The following GMDS variants were observed in gnomAD, a reference collection of about 807,000 sequenced individuals.
The protein encoded by GMDS is GDP-mannose 4,6 dehydratase.
GMDS carries 20 observed loss-of-function variants against 49.9 expected under a neutral mutation model. The ratio of observed to expected loss-of-function variants is 0.40; its 90% CI spans 0.28 to 0.58. GMDS has a LOEUF of 0.58. Ranked by LOEUF, GMDS falls within the 20% of genes least tolerant of loss-of-function variation. GMDS has a pLI of 0.42. For synonymous variants in GMDS, 177 were observed against 178.6 expected (o/e 0.99, Z 0.07); for missense variants, 362 against 481.4 (o/e 0.75, Z 2.32).
intron 4 of GMDS, among the ~76,000 whole-genome samples, chr6:2,083,181 T>C (rs1205847458): frequency 6.6e-6 from 1 of 152,202 alleles, no homozygotes; most frequent in Non-Finnish European, 1.5e-5. Context: ...TTTTAATCAA[T>C]ACAAGATTAG....
chr6:1,791,586 G>A (rs1361399430), intron 7 of GMDS, among the ~76,000 whole-genome samples: 1 of 152,090 alleles, frequency 6.6e-6, no homozygotes, highest in Non-Finnish European at 1.5e-5. Flanking sequence ...TGAATTTTGG[G>A]GAGACACAAT....
At chr6:1,624,379 C>T (rs1762779545) in intron 10 of GMDS, 93 bp downstream of exon 10, 2 of 1,333,416 alleles carry the variant, frequency 1.5e-6, no homozygotes, top group South Asian at 2.5e-5. Context: ...GGGCTTTGGG[C>T]ATCGCAGGCG....
At chr6:2,183,989 A>ATATATGCATAAGTTATATATAACTTG (rs1192574377) in intron 1 of GMDS, among the ~76,000 whole-genome samples, 2 of 152,216 alleles carry the variant, frequency 1.3e-5, no homozygotes, top group African/African-American at 2.4e-5. Context: ...AACATAACTT[A>ATATATGCATAAGTTATATATAACTTG]TATATGCATA....
chr6:2,005,616 C>T (rs1414686728), intron 4 of GMDS, among the ~76,000 whole-genome samples: 7 of 152,182 alleles, frequency 4.6e-5, no homozygotes, highest in Non-Finnish European at 8.8e-5. Flanking sequence ...ATCTTACCTT[C>T]TTGATCTTCC....
intron 7 of GMDS, among the ~76,000 whole-genome samples, chr6:1,862,070 C>T (rs113437205): frequency 1.2e-3 from 176 of 152,300 alleles, no homozygotes; most frequent in Admixed American, 5.8e-3. Flanking sequence ...TTTCATTACA[C>T]TTTAAATCTT....
intron 7 of GMDS, among the ~76,000 whole-genome samples, chr6:1,835,140 C>T (rs562626208): frequency 4.6e-5 from 7 of 152,126 alleles, no homozygotes; most frequent in African/African-American, 1.2e-4. Flanking sequence ...ACGGGAGGGG[C>T]ACAGAGTCTG....
chr6:2,134,856 TTTA>T (rs1775915850), intron 1 of GMDS, among the ~76,000 whole-genome samples: 1 of 152,216 alleles, frequency 6.6e-6, no homozygotes, highest in Non-Finnish European at 1.5e-5. Flanking sequence ...CAGCAAAGTA[TTTA>T]TTATTGTTTC....
intron 4 of GMDS, among the ~76,000 whole-genome samples, chr6:2,063,165 T>C (rs553946008): frequency 2.0e-5 from 3 of 152,344 alleles, no homozygotes; most frequent in Admixed American, 2.0e-4. Flanking sequence ...CAAATAAAGA[T>C]ATTTTTATTG....
chr6:1,635,701 G>A lies in GMDS; in HGVS notation c.988-11161C>T, dbSNP rs1252143027. On this transcript the variant is annotated intron_variant, in intron 9 of 10. Transcript: ENST00000380815. This position sits in a 1 kb window ranked among gnomAD's most constrained non-coding sequence, Gnocchi z 4.7. ...GGCCCTCAAGTCTGCAGATGCAAAC[G>A]AGAGCCTGGTTCATACTCTGCCAAC... Among the ~76,000 whole-genome samples the A allele has an allele frequency of 3.3e-5, 5 of 152,166 alleles. No individual in the cohort carries two copies. In the East Asian group the frequency reaches 9.6e-4, roughly 29 times the overall value.
chr6:1,796,763 C>T lies in GMDS; in HGVS notation c.772-54177G>A, dbSNP rs566334722. The stretch of plus-strand genomic sequence containing the variant: ...CTCACTTTGTTTTAGTAGCGAAAAA[C>T]TTGAGGAAGCAGAGAACAAGCTTCT... On this transcript the variant is annotated intron_variant, in intron 7 of 10. Coordinates refer to ENST00000380815, the MANE Select transcript of GMDS (RefSeq NM_001500.4). Among the ~76,000 whole-genome samples the T allele has an allele frequency of 4.5e-4, 69 of 152,294 alleles. 1 individual carries two copies. In the South Asian group the frequency reaches 7.5e-3, roughly 16 times the overall value.
chr6:1,709,271 T>TA (rs1405049024), intron 9 of GMDS, among the ~76,000 whole-genome samples: 1 of 152,158 alleles, frequency 6.6e-6, no homozygotes, highest in Non-Finnish European at 1.5e-5. Flanking sequence ...CAGCTGTCCT[T>TA]AGAGGCTAAT....
At chr6:1,707,997 CAT>C (rs1765799223) in intron 9 of GMDS, among the ~76,000 whole-genome samples, 1 of 152,188 alleles carries the variant, frequency 6.6e-6, no homozygotes, top group Non-Finnish European at 1.5e-5. Context: ...TTACTATTCA[CAT>C]GCGTTATTAA....
chr6:1,676,776 T>G (rs1441276361), intron 9 of GMDS, among the ~76,000 whole-genome samples: 1 of 152,112 alleles, frequency 6.6e-6, no homozygotes, highest in Non-Finnish European at 1.5e-5. Context: ...TATAGAAAAA[T>G]TAATTCAAGA....
At chr6:1,814,345 G>C (rs534974040) in intron 7 of GMDS, among the ~76,000 whole-genome samples, 7 of 152,034 alleles carry the variant, frequency 4.6e-5, no homozygotes, top group Non-Finnish European at 8.8e-5. Context: ...TCTAAAAGAG[G>C]TGTGCATTTT....
chr6:2,071,660 A>G (rs545919049), intron 4 of GMDS, among the ~76,000 whole-genome samples: 4 of 151,944 alleles, frequency 2.6e-5, no homozygotes, highest in Non-Finnish European at 5.9e-5. Context: ...ATGAAAAACA[A>G]TGACATACGG....
intron 1 of GMDS, among the ~76,000 whole-genome samples, chr6:2,200,611 C>A (rs539031163): frequency 6.8e-6 from 1 of 146,834 alleles, no homozygotes; most frequent in African/African-American, 2.5e-5. Context: ...GTGAGGGCAG[C>A]ATGTTAGCAG....
chr6:2,200,352 A>C (rs544431049), intron 1 of GMDS, among the ~76,000 whole-genome samples: 2 of 152,036 alleles, frequency 1.3e-5, no homozygotes, highest in South Asian at 2.1e-4. Context: ...AGATGAAACA[A>C]TCTAGGCAGT....
intron 7 of GMDS, among the ~76,000 whole-genome samples, chr6:1,893,254 C>A (rs1348589891): frequency 7.1e-6 from 1 of 141,768 alleles, no homozygotes; most frequent in African/African-American, 2.7e-5. Context: ...AGTGCAGTGG[C>A]GCGATGTCAG....
At chr6:2,197,326 C>A (rs1779315985) in intron 1 of GMDS, among the ~76,000 whole-genome samples, 1 of 152,100 alleles carries the variant, frequency 6.6e-6, no homozygotes. Flanking sequence ...TGCCTCTATT[C>A]CTCCTCCCGC....
Sources: allele counts gnomAD v4.1 joint callset (sites outside exome capture counted in the v4.1 genomes callset), GRCh38; gene constraint gnomAD v4.1.1; non-coding constraint Gnocchi (gnomAD v3.1); transcripts MANE v1.5; gene names NCBI Gene and HGNC (gene_info 2026-07-23, HGNC 2026-07-21).